The following IGSF21 variants were observed in gnomAD, a reference collection of about 807,000 sequenced individuals.
The protein encoded by IGSF21 is immunoglobulin superfamily member 21.
In IGSF21, 28 loss-of-function variants were observed where a neutral mutation model predicts 46.8. The ratio of observed to expected loss-of-function variants is 0.60; its 90% CI spans 0.44 to 0.82. The LOEUF is 0.82. Ranked by LOEUF, IGSF21 falls within the 40% of genes least tolerant of loss-of-function variation. IGSF21 has a pLI of 0.00. For synonymous variants in IGSF21, 284 were observed against 273.6 expected (o/e 1.04, Z -0.38); for missense variants, 624 against 665.5 (o/e 0.94, Z 0.69).
intron 3 of IGSF21, among the ~76,000 whole-genome samples, chr1:18,321,137 C>T (rs1248695323): frequency 6.6e-6 from 1 of 152,164 alleles, no homozygotes; most frequent in Non-Finnish European, 1.5e-5. Context: ...ATTGGAGGGA[C>T]CCATATGATG....
rs145871134 is a variant in IGSF21, at chr1:18,348,616, C to T, written c.425-13499C>T. 1.9e-4 allele frequency among the ~76,000 whole-genome samples: 29 copies of T among 152,224 alleles called. No homozygotes were observed. In the East Asian group the frequency reaches 4.6e-3, roughly 24 times the overall value. On this transcript the variant is annotated intron_variant, in intron 4 of 9. Transcript: ENST00000251296. ...GCCTCGGGCCCAGTGATTTAAGGGG[C>T]AGGCAGGAAGTGGAAGTTACAGGTG...
intron 4 of IGSF21, among the ~76,000 whole-genome samples, chr1:18,356,208 T>A (rs1271974296): frequency 6.6e-6 from 1 of 152,182 alleles, no homozygotes; most frequent in African/African-American, 2.4e-5. Flanking sequence ...CTGCTTGGTG[T>A]CTCTTCACCT....
intron 2 of IGSF21, among the ~76,000 whole-genome samples, chr1:18,286,923 T>TG (rs1287850077): frequency 2.0e-5 from 3 of 152,198 alleles, no homozygotes; most frequent in Non-Finnish European, 4.4e-5. Flanking sequence ...GGCTCACGCC[T>TG]GTAATCCCAG....
intron 2 of IGSF21, among the ~76,000 whole-genome samples, chr1:18,252,017 A>G (rs545303209): frequency 1.3e-5 from 2 of 148,526 alleles, no homozygotes; most frequent in African/African-American, 2.5e-5. Flanking sequence ...CACAAGGTCA[A>G]TAGGCTGGAA....
intron 1 of IGSF21, among the ~76,000 whole-genome samples, chr1:18,119,197 T>C (rs1384787572): frequency 1.3e-5 from 2 of 152,354 alleles, no homozygotes; most frequent in East Asian, 3.9e-4. Flanking sequence ...AGCAGATATT[T>C]ATTGGATGTT....
chr1:18,270,429 G>A (rs923083922), intron 2 of IGSF21, among the ~76,000 whole-genome samples: 2 of 152,214 alleles, frequency 1.3e-5, no homozygotes, highest in African/African-American at 4.8e-5. Context: ...CCAACACTCG[G>A]CATCTGGTCC....
intron 2 of IGSF21, among the ~76,000 whole-genome samples, chr1:18,277,275 T>G (rs2085111176): frequency 6.6e-6 from 1 of 152,204 alleles, no homozygotes. Context: ...CTTTGAAGAT[T>G]GGGGCCATAA....
chr1:18,265,292 T>C (rs2084980058), intron 2 of IGSF21, among the ~76,000 whole-genome samples: 1 of 152,176 alleles, frequency 6.6e-6, no homozygotes, highest in Non-Finnish European at 1.5e-5. Flanking sequence ...TGTTGTGTGA[T>C]ATATTGAACA....
At chr1:18,308,751 G>A (rs1009252268) in intron 3 of IGSF21, among the ~76,000 whole-genome samples, 3 of 152,176 alleles carry the variant, frequency 2.0e-5, no homozygotes, top group Non-Finnish European at 4.4e-5. Flanking sequence ...GGCTTGACCT[G>A]AGTGTGGTGG....
At chr1:18,218,372 G>T (rs1329845901) in intron 1 of IGSF21, among the ~76,000 whole-genome samples, 1 of 152,192 alleles carries the variant, frequency 6.6e-6, no homozygotes, top group South Asian at 2.1e-4. Context: ...TGGGTATTAC[G>T]ATTCGACATG....
At chr1:18,312,958 C>T (rs1333028948) in intron 3 of IGSF21, among the ~76,000 whole-genome samples, 1 of 152,198 alleles carries the variant, frequency 6.6e-6, no homozygotes, top group Non-Finnish European at 1.5e-5. Context: ...CTTTCTGTGT[C>T]TCTAGTTCCC....
intron 2 of IGSF21, among the ~76,000 whole-genome samples, chr1:18,252,048 T>A (rs1008602336): frequency 2.7e-4 from 23 of 84,434 alleles, no homozygotes; most frequent in Middle Eastern, 6.3e-3. Flanking sequence ...CCAAGGCGTT[T>A]TTTTTTTTTT....
chr1:18,350,294 T>G (rs1339303590), intron 4 of IGSF21, among the ~76,000 whole-genome samples: 1 of 152,008 alleles, frequency 6.6e-6, no homozygotes, highest in Non-Finnish European at 1.5e-5. Context: ...GGAGTGAGGG[T>G]GGAGAGAGTA....
chr1:18,139,061 AG>A (rs779661483), intron 1 of IGSF21, among the ~76,000 whole-genome samples: 6 of 152,090 alleles, frequency 3.9e-5, no homozygotes, highest in Non-Finnish European at 7.4e-5. Flanking sequence ...CTGGTGCAGG[AG>A]CGCTCTTCCC....
intron 1 of IGSF21, among the ~76,000 whole-genome samples, chr1:18,140,553 G>A (rs1274418253): frequency 3.3e-5 from 5 of 152,324 alleles, no homozygotes; most frequent in East Asian, 1.9e-4. Context: ...CCATGGAAGC[G>A]GGCACTCCCA....
At chr1:18,291,330 A>G (rs1277258477) in intron 2 of IGSF21, among the ~76,000 whole-genome samples, 3 of 152,210 alleles carry the variant, frequency 2.0e-5, no homozygotes, top group Non-Finnish European at 4.4e-5. Flanking sequence ...CCCCGTCTGC[A>G]TCGCCCGTGC....
intron 2 of IGSF21, among the ~76,000 whole-genome samples, chr1:18,287,210 T>TAAAA (rs1420482162): frequency 7.2e-6 from 1 of 139,290 alleles, no homozygotes; most frequent in Non-Finnish European, 1.6e-5. Flanking sequence ...AATAAATAAA[T>TAAAA]AAAAATAAAT....
intron 8 of IGSF21, 104 bp downstream of exon 8, chr1:18,377,096 C>A: frequency 1.6e-6 from 2 of 1,230,612 alleles, no homozygotes; most frequent in Non-Finnish European, 1.1e-6. Flanking sequence ...AAATTTTGGG[C>A]CTAAATCTCC....
chr1:18,364,737 T>C (rs1347454632), intron 5 of IGSF21, among the ~76,000 whole-genome samples: 1 of 152,046 alleles, frequency 6.6e-6, no homozygotes, highest in Non-Finnish European at 1.5e-5. Context: ...CGCACAGAGA[T>C]TCTTTCTTCC....
Sources: gnomAD v4.1 joint callset for allele counts (sites outside exome capture counted in the v4.1 genomes callset) on GRCh38, gnomAD v4.1.1 for gene constraint, MANE v1.5 for transcripts, NCBI Gene and HGNC (gene_info 2026-07-23, HGNC 2026-07-21) for gene names.